Variants in MED13L observed in about 807,000 individuals in gnomAD.
MED13L encodes the protein mediator of RNA polymerase II transcription subunit 13-like.
In MED13L, 7 loss-of-function variants were observed where a neutral mutation model predicts 220.9. That is an observed-to-expected ratio of 0.03 (90% confidence interval 0.02 to 0.06). MED13L has a LOEUF of 0.06. Among genes scored for constraint, MED13L ranks in the 10% least tolerant of loss-of-function variants. The pLI is 1.00. For missense variants in MED13L, 1,965 were observed against 2,760.5 expected (o/e 0.71, Z 6.46); for synonymous variants, 1,011 against 1,015.2 (o/e 1.00, Z 0.08).
chr12:115,970,559 A>G (rs1294679350), intron 27 of MED13L, 35 bp downstream of exon 27: 2 of 1,603,436 alleles, frequency 1.2e-6, no homozygotes, highest in African/African-American at 2.7e-5. Flanking sequence ...GCCCTGCATG[A>G]AGGTGAGCAC....
At chr12:115,996,088 T>A (rs1878383009) in intron 16 of MED13L, among the ~76,000 whole-genome samples, 1 of 152,086 alleles carries the variant, frequency 6.6e-6, no homozygotes, top group African/African-American at 2.4e-5. Context: ...TCATCATTTT[T>A]TCTTTCTTTT....
intron 14 of MED13L, among the ~76,000 whole-genome samples, chr12:115,998,908 A>C (rs1878574922): frequency 6.6e-6 from 1 of 152,202 alleles, no homozygotes; most frequent in Non-Finnish European, 1.5e-5. Context: ...GAAGAAGAAA[A>C]AACTAAAAAT....
chr12:116,102,176 T>C (rs1302417057), intron 3 of MED13L, among the ~76,000 whole-genome samples: 3 of 152,228 alleles, frequency 2.0e-5, no homozygotes, highest in African/African-American at 7.2e-5. Flanking sequence ...TGTTTCTGTG[T>C]CATGCCATAT....
intron 4 of MED13L, among the ~76,000 whole-genome samples, chr12:116,090,562 T>C (rs1258931702): frequency 6.6e-6 from 1 of 152,138 alleles, no homozygotes; most frequent in Non-Finnish European, 1.5e-5. Flanking sequence ...GGATAGGACA[T>C]GTCCAGACTT....
chr12:116,103,322 A>G (rs1274800135), intron 3 of MED13L, among the ~76,000 whole-genome samples: 1 of 152,172 alleles, frequency 6.6e-6, no homozygotes, highest in Non-Finnish European at 1.5e-5. Flanking sequence ...GGCAGATCAG[A>G]GCTCACTACA....
intron 4 of MED13L, among the ~76,000 whole-genome samples, chr12:116,092,407 G>C (rs1481376430): frequency 6.6e-6 from 1 of 152,160 alleles, no homozygotes; most frequent in Non-Finnish European, 1.5e-5. Context: ...TACCACTCAA[G>C]AACAGGGCAG....
chr12:115,986,984 TA>T (rs1389132283), intron 18 of MED13L, 124 bp downstream of exon 18: 4 of 1,001,296 alleles, frequency 4.0e-6, no homozygotes, highest in Non-Finnish European at 5.9e-6. Context: ...ATTATAAAAC[TA>T]AATGGTCAAA....
chr12:116,022,310 T>A, intron 5 of MED13L, 146 bp downstream of exon 5: 1 of 970,402 alleles, frequency 1.0e-6, no homozygotes, highest in Non-Finnish European at 1.6e-6. Flanking sequence ...ATGGTAGTCT[T>A]TTCTTCCTTC....
At chr12:116,135,554 T>TGA (rs1876466918) in intron 2 of MED13L, among the ~76,000 whole-genome samples, 1 of 152,202 alleles carries the variant, frequency 6.6e-6, no homozygotes, top group Non-Finnish European at 1.5e-5. Context: ...CCTGTGAACA[T>TGA]AATGAAATGG....
intron 1 of MED13L, among the ~76,000 whole-genome samples, chr12:116,245,195 C>G (rs768381976): frequency 2.0e-5 from 3 of 152,082 alleles, no homozygotes; most frequent in Non-Finnish European, 4.4e-5. Flanking sequence ...AGGACCACCC[C>G]CTCCCTACCA....
chr12:116,190,848 G>A (rs1264588771), intron 2 of MED13L, among the ~76,000 whole-genome samples: 4 of 152,016 alleles, frequency 2.6e-5, no homozygotes, highest in Admixed American at 2.0e-4. Context: ...TCCCAGCACC[G>A]TGGGAGGCCA....
intron 2 of MED13L, among the ~76,000 whole-genome samples, chr12:116,174,200 G>A (rs565940199): frequency 6.6e-6 from 1 of 152,206 alleles, no homozygotes; most frequent in Admixed American, 6.5e-5. Flanking sequence ...AGAGACGAAG[G>A]TTTCTTAGTG....
chr12:116,003,716 AAAAT>A (rs1878886248), intron 13 of MED13L, among the ~76,000 whole-genome samples: 6 of 152,206 alleles, frequency 3.9e-5, no homozygotes, highest in Admixed American at 2.6e-4. Context: ...AATAAAATAT[AAAAT>A]AAAGCAAAAA....
chr12:116,218,231 GAAT>G (rs1883115635), intron 2 of MED13L, among the ~76,000 whole-genome samples: 1 of 152,036 alleles, frequency 6.6e-6, no homozygotes, highest in African/African-American at 2.4e-5. Context: ...CCAAAACACA[GAAT>G]AAAAGATAAT....
At chr12:116,142,612 G>A (rs978122511) in intron 2 of MED13L, among the ~76,000 whole-genome samples, 25 of 151,986 alleles carry the variant, frequency 1.6e-4, no homozygotes, top group Non-Finnish European at 3.1e-4. Context: ...CGCTTGAACC[G>A]GGGTGGCAGA....
chr12:116,148,372 C>A (rs557719424), intron 2 of MED13L, among the ~76,000 whole-genome samples: 8 of 151,864 alleles, frequency 5.3e-5, no homozygotes, highest in African/African-American at 1.7e-4. Context: ...GATGGTGAAC[C>A]TTATAAATGG....
chr12:116,145,293 C>T (rs2138064397), intron 2 of MED13L, among the ~76,000 whole-genome samples: 1 of 152,288 alleles, frequency 6.6e-6, no homozygotes, highest in South Asian at 2.1e-4. Context: ...AAAAGGACTC[C>T]ATGGTGTGCA....
At chr12:115,975,800 A>G in intron 23 of MED13L, 62 bp from the exon 24 acceptor site, 1 of 1,506,990 alleles carries the variant, frequency 6.6e-7, no homozygotes, top group Non-Finnish European at 9.1e-7. Flanking sequence ...TTACAACAAA[A>G]TCCAGAACGA....
intron 14 of MED13L, among the ~76,000 whole-genome samples, chr12:115,999,975 C>T (rs1878639961): frequency 6.6e-6 from 1 of 152,202 alleles, no homozygotes; most frequent in East Asian, 1.9e-4. Flanking sequence ...ACTTCAATTT[C>T]CTAATCCGTA....
Sources: gnomAD v4.1 joint callset for allele counts (sites outside exome capture counted in the v4.1 genomes callset) on GRCh38, gnomAD v4.1.1 for gene constraint, MANE v1.5 for transcripts, NCBI Gene and HGNC (gene_info 2026-07-23, HGNC 2026-07-21) for gene names.